The following MORC2 variants were observed in gnomAD, a reference collection of about 807,000 sequenced individuals.
MORC2 encodes ATPase MORC2.
MORC2 carries 30 observed loss-of-function variants against 136.0 expected under a neutral mutation model. The ratio of observed to expected loss-of-function variants is 0.22; its 90% CI spans 0.17 to 0.30. The LOEUF (loss-of-function observed/expected upper bound fraction) is 0.30. Ranked by LOEUF, MORC2 falls within the 10% of genes least tolerant of loss-of-function variation. The pLI is 1.00. For synonymous variants in MORC2, 439 were observed against 487.0 expected (o/e 0.90, Z 1.30); for missense variants, 922 against 1,333.1 (o/e 0.69, Z 4.80).
intron 1 of MORC2, chr22:30,966,971 CTA>C (rs1344255962): frequency 2.4e-6 from 1 of 422,048 alleles, no homozygotes; most frequent in Non-Finnish European, 3.2e-6. Context: ...TAATGGAAGT[CTA>C]TACTCTCGAC....
chr22:30,926,775 G>T lies in MORC2; in HGVS notation c.*28C>A. 6.2e-7 allele frequency: 1 copy of T among 1,601,494 alleles called. No homozygotes were observed. The highest frequency in any genetic ancestry group is 1.3e-5 in the African/African-American group (1 of 74,674). On this transcript the variant is annotated 3_prime_UTR_variant, in exon 26 of 26. Coordinates refer to ENST00000397641, the MANE Select transcript of MORC2 (RefSeq NM_001303256.3). ...CAGCTACAGGGTTGAGGGGCAGGTG[G>T]GCAGGGGAGCTGCTCTCTCTCCTGC...
At chr22:30,955,022 G>A (rs771386310) in intron 3 of MORC2, among the ~76,000 whole-genome samples, 7 of 146,412 alleles carry the variant, frequency 4.8e-5, no homozygotes, top group Admixed American at 3.5e-4. Context: ...GCAATGGTGC[G>A]ATCTTGGCTC....
chr22:30,937,451 A>G lies in MORC2; in HGVS notation c.1498+132T>C. 1 of 1,395,050 alleles carries G rather than the reference A, an allele frequency of 7.2e-7. No individual in the cohort carries two copies. The highest frequency in any genetic ancestry group is 2.3e-5 in the East Asian group (1 of 43,648). 86.4% of individuals were successfully genotyped at this position (1,395,050 alleles called of 1,614,324 possible). A position where few individuals can be genotyped will look rare whatever the true frequency, so the allele number is the denominator to read the frequency against. On this transcript the variant is annotated intron_variant, in intron 15 of 25. Transcript: ENST00000397641. The surrounding 1 kb of genome is among the most constrained non-coding windows in gnomAD (Gnocchi z 4.7). Reference sequence around the variant, plus strand: ...AGACTGAGCTCACAGGGCCATCGTCAAACAGACTTGGATCCCTAGGGGACT... The same window carrying G: ...AGACTGAGCTCACAGGGCCATCGTCGAACAGACTTGGATCCCTAGGGGACT...
chr22:30,958,485 T>C (rs947258227), intron 2 of MORC2, among the ~76,000 whole-genome samples, 156 bp downstream of exon 2: 3 of 152,226 alleles, frequency 2.0e-5, no homozygotes, highest in Non-Finnish European at 4.4e-5. Flanking sequence ...TAATGTGCTA[T>C]TAAAAATATT....
At position 30,968,015 on chromosome 22, in the gene MORC2, G is replaced by C. The variant is rs1222288281; in HGVS notation, c.-126C>G. The C allele has an allele frequency of 1.3e-6, 1 of 790,064 alleles. No homozygotes were observed. Among genetic ancestry groups the C allele is most frequent in the East Asian group, 2.7e-5 (1 of 36,636 alleles). The allele number at this position is 790,064 out of a possible 1,614,324, so 48.9% of individuals were successfully genotyped here. ...TCTGTGCTCCTTAATGACAGTTAAA[G>C]TAACCTAGTAGCTATCCAAAATATA... On this transcript the variant is annotated 5_prime_UTR_variant, in exon 1 of 26. Coordinates refer to ENST00000397641, the MANE Select transcript of MORC2 (RefSeq NM_001303256.3).
chr22:30,964,658 T>C (rs1260064537), intron 1 of MORC2, among the ~76,000 whole-genome samples: 2 of 152,208 alleles, frequency 1.3e-5, no homozygotes, highest in Non-Finnish European at 2.9e-5. Flanking sequence ...ACTAGCAACA[T>C]CTGATGTTAA....
intron 2 of MORC2, among the ~76,000 whole-genome samples, chr22:30,957,397 A>G (rs569751679): frequency 2.6e-5 from 4 of 152,360 alleles, no homozygotes; most frequent in South Asian, 4.1e-4. Flanking sequence ...TCAGTTATCA[A>G]TGAAGACTTC....
chr22:30,937,789 G>A lies in MORC2; in HGVS notation c.1369+26C>T. ...TACATTCAGGTGAAGAGAAAAGGCAGAGGCCCAGCAGCCCAGCCCCATTAC... is the reference window on the plus strand; with the variant it reads ...TACATTCAGGTGAAGAGAAAAGGCAAAGGCCCAGCAGCCCAGCCCCATTAC... On this transcript the variant is annotated intron_variant, in intron 14 of 25. Transcript: ENST00000397641. The surrounding 1 kb of genome is among the most constrained non-coding windows in gnomAD (Gnocchi z 4.7). 6.2e-7 allele frequency: 1 copy of A among 1,614,034 alleles called. No homozygotes were observed. Among genetic ancestry groups the A allele is most frequent in the Non-Finnish European group, 8.5e-7 (1 of 1,179,946 alleles).
intron 3 of MORC2, among the ~76,000 whole-genome samples, chr22:30,956,364 T>C (rs1055062538): frequency 6.6e-6 from 1 of 152,220 alleles, no homozygotes; most frequent in Non-Finnish European, 1.5e-5. Flanking sequence ...TTGAGACTAG[T>C]GCTCACCAAG....
intron 5 of MORC2, 63 bp downstream of exon 5, chr22:30,949,689 G>T: frequency 7.5e-7 from 1 of 1,329,644 alleles, no homozygotes; most frequent in South Asian, 1.2e-5. Context: ...TTTCATCCAA[G>T]AGAAGCAGGA....
chr22:30,935,405 G>T, intron 17 of MORC2, 83 bp from the exon 18 acceptor site: 1 of 1,374,384 alleles, frequency 7.3e-7, no homozygotes, highest in Non-Finnish European at 1.0e-6. Context: ...TGGAACCAGG[G>T]ACAAAAAAAA....
rs1396296519 is a variant in MORC2 at position 30,934,500 on chromosome 22, T to A, written c.2193+281A>T. Among the ~76,000 whole-genome samples the A allele has an allele frequency of 6.6e-6, 1 of 152,204 alleles. No individual in the cohort carries two copies. Among genetic ancestry groups the A allele is most frequent in the Non-Finnish European group, 1.5e-5 (1 of 68,040 alleles). ...CTCAGGCTATCTGTCACCAGATGAC[T>A]GACCTAAGCCCACACTTCGAGAGCC... On this transcript the variant is annotated intron_variant, in intron 19 of 25. Transcript: ENST00000397641. This position sits in a 1 kb window ranked among gnomAD's most constrained non-coding sequence, Gnocchi z 4.4.
Position 30,932,576 on chromosome 22 carries a change from C to A in MORC2, c.2716G>T (p.Glu906Ter). 6.2e-7 allele frequency: 1 copy of A among 1,614,086 alleles called. No individual in the cohort carries two copies. The highest frequency in any genetic ancestry group is 1.1e-5 in the South Asian group (1 of 91,076). ...PDTTALSTNH[E>*]TIDLLVQILR... ...ATCTGGACAAGCAGGTCGATGGTCT[C>A]GTGATTGGTGCTCAGGGCAGTGGTG... The change falls in exon 23 of 26, where the codon GAG becomes TAG. Residue 906 changes from glutamate to a stop codon, truncating the protein, a stop_gained. Transcript: ENST00000397641. LOFTEE classifies it high-confidence loss of function. The surrounding 1 kb of genome is among the most constrained non-coding windows in gnomAD (Gnocchi z 4.4).
intron 3 of MORC2, among the ~76,000 whole-genome samples, chr22:30,955,798 C>A (rs1445946814): frequency 6.6e-6 from 1 of 151,946 alleles, no homozygotes; most frequent in African/African-American, 2.4e-5. Context: ...CACCTGAGGT[C>A]ATGAGTTTGA....
chr22:30,931,091 C>T (rs2040569832), intron 24 of MORC2, among the ~76,000 whole-genome samples: 1 of 152,204 alleles, frequency 6.6e-6, no homozygotes, highest in Non-Finnish European at 1.5e-5. Flanking sequence ...CACGCTGACT[C>T]CTGTTCCCAT....
chr22:30,944,923 C>T (rs1360756470), intron 6 of MORC2, among the ~76,000 whole-genome samples: 2 of 152,208 alleles, frequency 1.3e-5, no homozygotes, highest in Non-Finnish European at 1.5e-5. Context: ...ACCACACAAT[C>T]GCTACATGGA....
intron 20 of MORC2, 45 bp from the exon 21 acceptor site, chr22:30,933,565 A>G: frequency 6.2e-7 from 1 of 1,604,550 alleles, no homozygotes; most frequent in Non-Finnish European, 8.5e-7. Context: ...GTGCCCCCCA[A>G]GAGCAGACTT....
intron 24 of MORC2, among the ~76,000 whole-genome samples, chr22:30,928,643 A>T (rs2040527243): frequency 6.6e-6 from 1 of 152,094 alleles, no homozygotes; most frequent in South Asian, 2.1e-4. Flanking sequence ...CCACCTACCA[A>T]CCAACAGCAG....
At chr22:30,950,573 C>T in intron 3 of MORC2, 128 bp from the exon 4 acceptor site, 2 of 843,056 alleles carry the variant, frequency 2.4e-6, no homozygotes, top group Non-Finnish European at 1.9e-6. Flanking sequence ...ACTTTCTACG[C>T]TGGTGTGAAT....
Sources: allele counts gnomAD v4.1 joint callset (sites outside exome capture counted in the v4.1 genomes callset), GRCh38; gene constraint gnomAD v4.1.1; non-coding constraint Gnocchi (gnomAD v3.1); transcripts MANE v1.5; gene names NCBI Gene and HGNC (gene_info 2026-07-23, HGNC 2026-07-21).